The following SETBP1 variants were observed in gnomAD, a reference collection of about 807,000 sequenced individuals.
SETBP1 encodes SET-binding protein.
Under a neutral mutation model 101.0 loss-of-function variants are expected in SETBP1, and 9 were observed. That is an observed-to-expected ratio of 0.09 (90% CI 0.05 to 0.16). The LOEUF is 0.16. Ranked by LOEUF, SETBP1 falls within the 10% of genes least tolerant of loss-of-function variation. The pLI, the probability that SETBP1 is intolerant of heterozygous loss-of-function variation, is 1.00. For synonymous variants in SETBP1, 818 were observed against 788.5 expected, an observed-to-expected ratio of 1.04 and a Z score of -0.63; for missense variants, 1,858 against 2,033.8, an observed-to-expected ratio of 0.91 and a Z score of 1.66.
At chr18:44,801,670 A>C (rs541654087) in intron 2 of SETBP1, among the ~76,000 whole-genome samples, 286 of 152,096 alleles carry the variant, frequency 1.9e-3, no homozygotes, top group African/African-American at 6.5e-3. Flanking sequence ...GTTGAGATGA[A>C]TTTTATTTTT....
intron 2 of SETBP1, among the ~76,000 whole-genome samples, chr18:44,707,697 A>G (rs1013116221): frequency 6.6e-6 from 1 of 152,244 alleles, no homozygotes; most frequent in African/African-American, 2.4e-5. Flanking sequence ...GGATAGGAAA[A>G]AAGTTTCTTA....
intron 4 of SETBP1, among the ~76,000 whole-genome samples, chr18:45,010,478 C>T (rs1231901168): frequency 6.6e-6 from 1 of 152,176 alleles, no homozygotes; most frequent in Non-Finnish European, 1.5e-5. Flanking sequence ...TGATATGTGT[C>T]ATGACATTTT....
At position 45,063,112 on chromosome 18, in the gene SETBP1, G is replaced by A. The variant is rs371946489; in HGVS notation, c.4205G>A (p.Arg1402Gln). Residue 1402 changes from arginine to glutamine, a missense_variant, in exon 6 of 6, where the codon CGG becomes CAG. Arg to Gln is a conservative substitution (Grantham distance 43). Coordinates refer to ENST00000649279, the MANE Select transcript of SETBP1 (RefSeq NM_015559.3). ...GSSLKKRFKR[R>Q]EIEAIQCEVR... ...TCCCTGAAGAAGAGGTTCAAGCGGCGGGAGATCGAAGCCATCCAGTGCGAA... is the reference window on the plus strand; with the variant it reads ...TCCCTGAAGAAGAGGTTCAAGCGGCAGGAGATCGAAGCCATCCAGTGCGAA... 9 of 1,613,916 alleles carry A rather than the reference G, an allele frequency of 5.6e-6. No individual in the cohort carries two copies. The highest frequency in any genetic ancestry group is 2.7e-5 in the African/African-American group (2 of 74,960).
At chr18:44,850,983 T>A (rs888266619) in intron 2 of SETBP1, among the ~76,000 whole-genome samples, 2 of 152,306 alleles carry the variant, frequency 1.3e-5, no homozygotes, top group South Asian at 4.1e-4. Flanking sequence ...CAGTCTCCTA[T>A]CAAAGACACA....
chr18:44,915,722 G>A (rs2070410338), intron 3 of SETBP1, among the ~76,000 whole-genome samples: 1 of 152,176 alleles, frequency 6.6e-6, no homozygotes, highest in South Asian at 2.1e-4. Flanking sequence ...TTGGGAAGAG[G>A]CAAGTACAGG....
chr18:44,846,539 G>A (rs573642579), intron 2 of SETBP1, among the ~76,000 whole-genome samples: 3 of 152,162 alleles, frequency 2.0e-5, no homozygotes, highest in Admixed American at 6.5e-5. Context: ...TTTTGAATCT[G>A]TGAATTGAAA....
In SETBP1 at chr18:44,844,757, G is replaced by A. The variant is rs529164587; in HGVS notation, c.487-24473G>A. On this transcript the variant is annotated intron_variant, in intron 2 of 5. Transcript: ENST00000649279. ...GCTAAGTGCCTCCATGAGGGTTCTC[G>A]GTGACTGAAGCTTCCAAGTTCAGAA... 1.5e-4 allele frequency among the ~76,000 whole-genome samples: 23 copies of A among 152,216 alleles called. No individual in the cohort carries two copies. The East Asian group carries it at 1.7e-3, about 12-fold the overall frequency.
At chr18:44,977,695 G>T (rs1422027733) in intron 4 of SETBP1, among the ~76,000 whole-genome samples, 1 of 152,226 alleles carries the variant, frequency 6.6e-6, no homozygotes, top group Non-Finnish European at 1.5e-5. Context: ...GCCTGGGACA[G>T]ATTTTAGGGA....
At chr18:44,912,619 G>T (rs181534591) in intron 3 of SETBP1, among the ~76,000 whole-genome samples, 1 of 151,900 alleles carries the variant, frequency 6.6e-6, no homozygotes, top group Non-Finnish European at 1.5e-5. Flanking sequence ...GGGTTTCATC[G>T]TGTTTGCCAG....
At chr18:44,886,941 C>G (rs1379801675) in intron 3 of SETBP1, among the ~76,000 whole-genome samples, 1 of 152,038 alleles carries the variant, frequency 6.6e-6, no homozygotes, top group Non-Finnish European at 1.5e-5. Context: ...ACCTTGCTTG[C>G]AGCAGTGTCT....
intron 3 of SETBP1, among the ~76,000 whole-genome samples, chr18:44,904,844 C>G (rs2070135873): frequency 6.6e-6 from 1 of 152,296 alleles, no homozygotes; most frequent in African/African-American, 2.4e-5. Context: ...CATGATAGAG[C>G]ACTTTCATTC....
chr18:45,048,694 C>A (rs555235436), intron 5 of SETBP1, among the ~76,000 whole-genome samples: 271 of 152,134 alleles, frequency 1.8e-3, no homozygotes, highest in Non-Finnish European at 3.3e-3. Context: ...AGATTAGGGC[C>A]GGGCGCGGTG....
chr18:44,931,965 A>G (rs1444003005), intron 3 of SETBP1, among the ~76,000 whole-genome samples: 1 of 152,112 alleles, frequency 6.6e-6, no homozygotes, highest in African/African-American at 2.4e-5. Flanking sequence ...GTTATGTGTG[A>G]ATTTGATCCC....
At chr18:44,801,280 A>T (rs150925013) in intron 2 of SETBP1, among the ~76,000 whole-genome samples, 34 of 149,648 alleles carry the variant, frequency 2.3e-4, no homozygotes, top group Middle Eastern at 3.5e-3. Flanking sequence ...TAAAGTATTT[A>T]AAAAAAAAAG....
At chr18:44,751,177 G>C (rs1358949069) in intron 2 of SETBP1, among the ~76,000 whole-genome samples, 1 of 152,202 alleles carries the variant, frequency 6.6e-6, no homozygotes, top group Non-Finnish European at 1.5e-5. Context: ...GTAGGCAAGG[G>C]AGGAGAAAGA....
chr18:44,786,707 A>G (rs925181882), intron 2 of SETBP1, among the ~76,000 whole-genome samples: 6 of 152,182 alleles, frequency 3.9e-5, no homozygotes, highest in Non-Finnish European at 7.4e-5. Flanking sequence ...ATTTTTGGGT[A>G]TTAGTTAAAC....
chr18:44,828,811 A>AAT (rs1324143826), intron 2 of SETBP1, among the ~76,000 whole-genome samples: 1 of 152,246 alleles, frequency 6.6e-6, no homozygotes, highest in Non-Finnish European at 1.5e-5. Flanking sequence ...CATTTATTAG[A>AAT]AGAGACACTA....
intron 3 of SETBP1, among the ~76,000 whole-genome samples, chr18:44,943,505 G>C (rs1434985464): frequency 6.6e-6 from 1 of 152,204 alleles, no homozygotes; most frequent in Non-Finnish European, 1.5e-5. Flanking sequence ...AACTCTGTCT[G>C]CTCATTGGGA....
At chr18:44,848,271 A>G (rs759774852) in intron 2 of SETBP1, among the ~76,000 whole-genome samples, 1 of 152,168 alleles carries the variant, frequency 6.6e-6, no homozygotes, top group African/African-American at 2.4e-5. Context: ...GGAAGGCCTT[A>G]AAGCTCATGG....
Sources: allele counts gnomAD v4.1 joint callset (sites outside exome capture counted in the v4.1 genomes callset), GRCh38; gene constraint gnomAD v4.1.1; transcripts MANE v1.5; gene names NCBI Gene and HGNC (gene_info 2026-07-23, HGNC 2026-07-21).